The following DLGAP2 variants were observed in gnomAD, a reference collection of about 807,000 sequenced individuals.
DLGAP2 encodes the protein DLG associated protein 2, also known as disks large-associated protein 2.
A neutral mutation model predicts 100.3 loss-of-function variants in DLGAP2; 26 were observed. The ratio of observed to expected loss-of-function variants is 0.26; its 90% CI spans 0.19 to 0.36. The LOEUF (loss-of-function observed/expected upper bound fraction) is 0.36. Among genes scored for constraint, DLGAP2 ranks in the 10% least tolerant of loss-of-function variants. DLGAP2 has a pLI of 1.00. For synonymous variants in DLGAP2, 886 were observed against 630.1 expected, an observed-to-expected ratio of 1.41 and a Z score of -6.08; for missense variants, 1,858 against 1,453.2, an observed-to-expected ratio of 1.28 and a Z score of -4.53.
intron 7 of DLGAP2, among the ~76,000 whole-genome samples, chr8:1,629,776 C>G (rs1028455555): frequency 4.9e-4 from 74 of 152,350 alleles, no homozygotes; most frequent in African/African-American, 1.7e-3. Flanking sequence ...ATCTCTAATA[C>G]TTTTCCACAA....
intron 2 of DLGAP2, among the ~76,000 whole-genome samples, chr8:1,233,289 C>T (rs1265039383): frequency 6.6e-6 from 1 of 152,200 alleles, no homozygotes; most frequent in East Asian, 1.9e-4. Context: ...ATTCCCCTAC[C>T]TTTCACTGAA....
chr8:854,093 C>T (rs1163669743), intron 1 of DLGAP2, among the ~76,000 whole-genome samples: 1 of 152,168 alleles, frequency 6.6e-6, no homozygotes, highest in African/African-American at 2.4e-5. Flanking sequence ...GGACTTCCAG[C>T]CTCCAGAACC....
At chr8:785,267 C>G (rs1239684769) in intron 1 of DLGAP2, among the ~76,000 whole-genome samples, 3 of 142,806 alleles carry the variant, frequency 2.1e-5, no homozygotes, top group African/African-American at 2.6e-5. Context: ...CGTCCTGACA[C>G]TTCAGATGCG....
At chr8:1,112,530 G>C (rs775191454) in intron 2 of DLGAP2, among the ~76,000 whole-genome samples, 1 of 152,130 alleles carries the variant, frequency 6.6e-6, no homozygotes, top group South Asian at 2.1e-4. Context: ...GTGAGCCACC[G>C]CGCCCGGGCG....
intron 3 of DLGAP2, among the ~76,000 whole-genome samples, chr8:1,382,978 GTTAA>G (rs1357713827): frequency 5.9e-5 from 9 of 152,242 alleles, no homozygotes; most frequent in South Asian, 2.1e-4. Flanking sequence ...TACTTACTAT[GTTAA>G]TTAATCAGGC....
chr8:1,231,347 G>A (rs1340518030), intron 2 of DLGAP2, among the ~76,000 whole-genome samples: 1 of 152,190 alleles, frequency 6.6e-6, no homozygotes, highest in Non-Finnish European at 1.5e-5. Flanking sequence ...ACAGATGCTG[G>A]TGAGGGTGCA....
At chr8:1,369,320 G>C (rs747681403) in intron 3 of DLGAP2, 5 of 152,182 alleles carry the variant, frequency 3.3e-5, no homozygotes, top group African/African-American at 4.8e-5. Flanking sequence ...CCCCTTGGCT[G>C]GCAGACGCTG....
intron 2 of DLGAP2, among the ~76,000 whole-genome samples, chr8:1,191,385 T>C (rs999526984): frequency 6.6e-6 from 1 of 152,148 alleles, no homozygotes; most frequent in African/African-American, 2.4e-5. Context: ...TTAGCCAGGA[T>C]GGTCTTGATC....
At chr8:1,430,896 A>C (rs1797409533) in intron 3 of DLGAP2, among the ~76,000 whole-genome samples, 1 of 152,230 alleles carries the variant, frequency 6.6e-6, no homozygotes, top group South Asian at 2.1e-4. Context: ...ATGAATAATG[A>C]AAAGATCTGG....
chr8:1,497,489 G>C (rs59336692), intron 3 of DLGAP2, among the ~76,000 whole-genome samples: 1 of 152,208 alleles, frequency 6.6e-6, no homozygotes, highest in African/African-American at 2.4e-5. Context: ...CCAATGACTG[G>C]TGGAGCAAAT....
intron 12 of DLGAP2, among the ~76,000 whole-genome samples, chr8:1,679,708 A>G (rs1305900087): frequency 6.6e-6 from 1 of 152,184 alleles, no homozygotes; most frequent in Non-Finnish European, 1.5e-5. Context: ...CAGGCCAGGC[A>G]CGGTGGCTCA....
At chr8:1,377,770 GCTT>G (rs35755453) in intron 3 of DLGAP2, 40,497 of 152,070 alleles carry the variant, frequency 0.27, 5,886 homozygotes, top group South Asian at 0.33. Context: ...GTCCAGCACA[GCTT>G]CTTCATGTTT....
chr8:1,452,013 T>G (rs1798173735), intron 3 of DLGAP2, among the ~76,000 whole-genome samples: 1 of 152,272 alleles, frequency 6.6e-6, no homozygotes, highest in Non-Finnish European at 1.5e-5. Context: ...AACTGCGGTT[T>G]CTGCCGATGT....
At chr8:753,253 C>T (rs377322120) in intron 1 of DLGAP2, among the ~76,000 whole-genome samples, 376 of 152,282 alleles carry the variant, frequency 2.5e-3, no homozygotes, top group African/African-American at 8.8e-3. Flanking sequence ...CTCTGTATCA[C>T]GGAACACAAA....
chr8:937,376 G>A (rs867252264), intron 2 of DLGAP2, among the ~76,000 whole-genome samples: 2 of 152,126 alleles, frequency 1.3e-5, no homozygotes, highest in Non-Finnish European at 2.9e-5. Context: ...GGATCTAATT[G>A]TCACTGGCTT....
intron 2 of DLGAP2, among the ~76,000 whole-genome samples, chr8:973,728 A>T (rs1227009782): frequency 2.0e-5 from 3 of 152,168 alleles, no homozygotes; most frequent in African/African-American, 7.2e-5. Flanking sequence ...ACTTTATCGG[A>T]TAGTGTTGGA....
chr8:965,469 C>CT (rs776820048), intron 2 of DLGAP2, among the ~76,000 whole-genome samples: 61 of 93,932 alleles, frequency 6.5e-4, no homozygotes, highest in African/African-American at 2.2e-3. Context: ...AGTCTGACCC[C>CT]GCACTGCACA....
chr8:1,213,842 C>T (rs1798157563), intron 2 of DLGAP2, among the ~76,000 whole-genome samples: 1 of 152,186 alleles, frequency 6.6e-6, no homozygotes, highest in African/African-American at 2.4e-5. Flanking sequence ...TCTGGGTGAT[C>T]CCTGCTTGCC....
At chr8:1,539,854 C>A (rs555809607) in intron 4 of DLGAP2, among the ~76,000 whole-genome samples, 1 of 148,978 alleles carries the variant, frequency 6.7e-6, no homozygotes, top group African/African-American at 2.6e-5. Flanking sequence ...CCTTGTAGGG[C>A]CTCCCTTCCC....
Sources: allele counts gnomAD v4.1 joint callset (sites outside exome capture counted in the v4.1 genomes callset), GRCh38; gene constraint gnomAD v4.1.1; transcripts MANE v1.5; gene names NCBI Gene and HGNC (gene_info 2026-07-23, HGNC 2026-07-21).